The following RAB3C variants were observed in gnomAD, a reference collection of about 807,000 sequenced individuals.
RAB3C encodes RAB3C, member RAS oncogene family, also known as ras-related protein Rab-3C.
In RAB3C, 17 loss-of-function variants were observed where a neutral mutation model predicts 26.4. That is an observed-to-expected ratio of 0.64 (90% CI 0.44 to 0.97). The LOEUF (loss-of-function observed/expected upper bound fraction) is 0.97. Among genes scored for constraint, RAB3C ranks in the 50% least tolerant of loss-of-function variants. The pLI is 0.00. For missense variants in RAB3C, 242 were observed against 281.9 expected, an observed-to-expected ratio of 0.86 and a Z score of 1.01; for synonymous variants, 91 against 95.9, an observed-to-expected ratio of 0.95 and a Z score of 0.30.
intron 3 of RAB3C, among the ~76,000 whole-genome samples, chr5:58,744,191 G>A (rs1741342022): frequency 1.3e-5 from 2 of 152,194 alleles, no homozygotes; most frequent in South Asian, 4.1e-4. Context: ...GGGGTTTGTT[G>A]TAGACATTGT....
intron 3 of RAB3C, among the ~76,000 whole-genome samples, chr5:58,737,433 A>AAAATT (rs1561305199): frequency 9.2e-5 from 9 of 98,168 alleles, no homozygotes; most frequent in South Asian, 3.2e-4. Context: ...ATATATATAT[A>AAAATT]TATATATATA....
intron 2 of RAB3C, among the ~76,000 whole-genome samples, chr5:58,665,574 A>G (rs1334521608): frequency 6.6e-6 from 1 of 152,154 alleles, no homozygotes; most frequent in Non-Finnish European, 1.5e-5. Flanking sequence ...AAGTAGTACA[A>G]TAAATGGTCC....
At chr5:58,723,710 C>T (rs554862973) in intron 2 of RAB3C, among the ~76,000 whole-genome samples, 1 of 151,758 alleles carries the variant, frequency 6.6e-6, no homozygotes, top group South Asian at 2.1e-4. Context: ...GTAAAGGGAG[C>T]TGTTTCTGTG....
At position 58,854,724 on chromosome 5, in the gene RAB3C, T is replaced by C. The variant is rs949704332; in HGVS notation, c.*3373T>C. The C allele has an allele frequency of 1.3e-5, 2 of 152,154 alleles. No individual in the cohort carries two copies. The highest frequency in any genetic ancestry group is 2.9e-5 in the Non-Finnish European group (2 of 68,026). 9.4% of individuals were successfully genotyped at this position (152,154 alleles called of 1,614,324 possible). ...GGTAACTAAGTGCTAAGATTTTTAC[T>C]TGGAAAGAAAACTATGACAATGCCT... On this transcript the variant is annotated 3_prime_UTR_variant, in exon 5 of 5. Transcript: ENST00000282878.
At chr5:58,718,143 T>A (rs1306507320) in intron 2 of RAB3C, among the ~76,000 whole-genome samples, 2 of 152,012 alleles carry the variant, frequency 1.3e-5, no homozygotes, top group South Asian at 4.1e-4. Context: ...AAAAATTGAG[T>A]GTAATCAAAA....
chr5:58,640,396 C>A (rs921957799), intron 2 of RAB3C, among the ~76,000 whole-genome samples: 8 of 152,102 alleles, frequency 5.3e-5, no homozygotes, highest in African/African-American at 1.9e-4. Context: ...TAAAATAACT[C>A]GGAGTGTGGA....
intron 3 of RAB3C, among the ~76,000 whole-genome samples, chr5:58,816,392 T>C (rs916332784): frequency 3.3e-5 from 5 of 152,212 alleles, no homozygotes; most frequent in African/African-American, 1.2e-4. Context: ...GGGGTATCTA[T>C]ACTCCAACTT....
intron 2 of RAB3C, among the ~76,000 whole-genome samples, chr5:58,632,772 C>G (rs1391964610): frequency 1.3e-5 from 2 of 152,192 alleles, no homozygotes; most frequent in Admixed American, 6.5e-5. Context: ...ATCCCCTTCT[C>G]TTCTTTCCCT....
chr5:58,653,475 T>G (rs1747702318), intron 2 of RAB3C, among the ~76,000 whole-genome samples: 1 of 152,174 alleles, frequency 6.6e-6, no homozygotes, highest in Non-Finnish European at 1.5e-5. Context: ...TATAAATCAT[T>G]CTACTATAAA....
rs1268756318 is a variant in RAB3C, at chr5:58,775,712, C to G, written c.372-49326C>G. On this transcript the variant is annotated intron_variant, in intron 3 of 4. Transcript: ENST00000282878. ...ATAACTAAATTTTTTTTTAAAATAC[C>G]TATAGACCAAATAGAACCTGTCTGT... Among the ~76,000 whole-genome samples the G allele has an allele frequency of 5.3e-5, 8 of 152,016 alleles. No individual in the cohort carries two copies. In the East Asian group the frequency reaches 5.8e-4, roughly 11 times the overall value.
At chr5:58,750,691 C>T (rs1741502563) in intron 3 of RAB3C, among the ~76,000 whole-genome samples, 1 of 152,186 alleles carries the variant, frequency 6.6e-6, no homozygotes, top group Non-Finnish European at 1.5e-5. Flanking sequence ...TTCCCCTAGT[C>T]AATAGAGTTG....
At chr5:58,587,174 G>A (rs1746030453) in intron 1 of RAB3C, among the ~76,000 whole-genome samples, 2 of 152,136 alleles carry the variant, frequency 1.3e-5, no homozygotes, top group Admixed American at 6.6e-5. Context: ...TGTAGTATAA[G>A]AATGCTTTTC....
At chr5:58,757,931 G>GTTT (rs1554016856) in intron 3 of RAB3C, among the ~76,000 whole-genome samples, 2 of 151,146 alleles carry the variant, frequency 1.3e-5, no homozygotes, top group African/African-American at 4.9e-5. Flanking sequence ...TGTTGTTGTT[G>GTTT]TTGTTTTGTT....
chr5:58,676,491 A>T (rs936532820), intron 2 of RAB3C, among the ~76,000 whole-genome samples: 9 of 152,100 alleles, frequency 5.9e-5, no homozygotes, highest in Non-Finnish European at 1.2e-4. Flanking sequence ...CAACAGAGCA[A>T]GACTCTGTTG....
chr5:58,818,048 T>C (rs1193072299), intron 3 of RAB3C, among the ~76,000 whole-genome samples: 1 of 152,238 alleles, frequency 6.6e-6, no homozygotes. Context: ...TCATATTCTC[T>C]CTGATACCTC....
In RAB3C at chr5:58,722,168, G is replaced by C. The variant is rs926458713; in HGVS notation, c.253-3834G>C. ...ATGAAATTAACATCTTATGAAAATG[G>C]GACACCATCACTGGAAGAGGTCAAG... On this transcript the variant is annotated intron_variant, in intron 2 of 4. Transcript: ENST00000282878. 2.6e-5 allele frequency among the ~76,000 whole-genome samples: 4 copies of C among 151,878 alleles called. No homozygotes were observed. The South Asian group carries it at 8.3e-4, about 31-fold the overall frequency.
intron 3 of RAB3C, among the ~76,000 whole-genome samples, chr5:58,796,671 TAGA>T (rs1742657437): frequency 6.6e-6 from 1 of 152,144 alleles, no homozygotes; most frequent in African/African-American, 2.4e-5. Flanking sequence ...GCAAAGAAGA[TAGA>T]AAGAGTATCT....
intron 2 of RAB3C, among the ~76,000 whole-genome samples, chr5:58,625,913 G>A (rs1402221075): frequency 6.6e-6 from 1 of 151,718 alleles, no homozygotes; most frequent in East Asian, 1.9e-4. Context: ...CGGCAGTTCT[G>A]TGTAACTGAA....
intron 3 of RAB3C, among the ~76,000 whole-genome samples, chr5:58,781,891 A>T (rs1742277753): frequency 6.6e-6 from 1 of 151,840 alleles, no homozygotes; most frequent in South Asian, 2.1e-4. Flanking sequence ...GTCTCATTTT[A>T]CTCATTTTTC....
Sources: allele counts gnomAD v4.1 joint callset (sites outside exome capture counted in the v4.1 genomes callset), GRCh38; gene constraint gnomAD v4.1.1; transcripts MANE v1.5; gene names NCBI Gene and HGNC (gene_info 2026-07-23, HGNC 2026-07-21).